Variants in PLCB2 observed in about 807,000 individuals in gnomAD.
PLCB2 encodes the protein phospholipase C beta 2, also known as 1-phosphatidylinositol 4,5-bisphosphate phosphodiesterase beta-2.
A neutral mutation model predicts 141.7 loss-of-function variants in PLCB2; 115 were observed. The observed-to-expected ratio is 0.81, with a 90% confidence interval of 0.70 to 0.95. The LOEUF (loss-of-function observed/expected upper bound fraction) is 0.95. Ranked by LOEUF, PLCB2 falls within the 40% of genes least tolerant of loss-of-function variation. PLCB2 has a pLI of 0.00. For synonymous variants in PLCB2, 603 were observed against 595.6 expected (o/e 1.01, Z -0.18); for missense variants, 1,403 against 1,541.1 (o/e 0.91, Z 1.50).
intron 21 of PLCB2, 56 bp downstream of exon 21, chr15:40,292,870 C>G (rs1222311397): frequency 8.4e-7 from 1 of 1,187,224 alleles, no homozygotes; most frequent in Non-Finnish European, 1.2e-6. Context: ...GCTGCCCCAC[C>G]CTGTGCACAG....
At chr15:40,285,929 T>C, downstream of PLCB2, 1 of 985,444 alleles carries the variant, frequency 1.0e-6, no homozygotes, top group Non-Finnish European at 1.2e-6. Context: ...TTGAGACAGT[T>C]CCAGGGAAGA....
rs1420504357 is a variant in PLCB2, at chr15:40,292,378, A to T, written c.2392T>A (p.Phe798Ile). The change falls in exon 22 of 32, where the codon TTC (phenylalanine) becomes ATC (isoleucine). Residue 798 changes from phenylalanine to isoleucine, a missense_variant. This residue lies in a region of PLCB2 where 975 missense variants were observed against 1,141.1 expected (regional missense o/e 0.85). Coordinates refer to ENST00000260402, the MANE Select transcript of PLCB2 (RefSeq NM_004573.3). Reference protein sequence around the residue: ...MPLTMPALFIFLEMKDYIPGA... With the variant: ...MPLTMPALFIILEMKDYIPGA... ...GGTATGTAGTCCTTCATCTCCAGGA[A>T]GATGAAGAGCGCAGGCATGGTGAGG... The T allele has an allele frequency of 6.2e-7, 1 of 1,613,856 alleles. No homozygotes were observed. The highest frequency in any genetic ancestry group is 2.2e-5 in the East Asian group (1 of 44,868).
chr15:40,288,513 C>A lies in PLCB2; in HGVS notation c.*202G>T. 1.5e-6 allele frequency: 2 copies of A among 1,308,626 alleles called. No individual in the cohort carries two copies. The highest frequency in any genetic ancestry group is 3.2e-5 in the Admixed American group (1 of 30,838). The allele number at this position is 1,308,626 out of a possible 1,614,324, so 81.1% of individuals were successfully genotyped here. A position where few individuals can be genotyped will look rare whatever the true frequency, so the allele number is the denominator to read the frequency against. On this transcript the variant is annotated 3_prime_UTR_variant, in exon 32 of 32. Transcript: ENST00000260402. Reference sequence around the variant, plus strand: ...AGTCAGCTTGAGAAGACTTCTAGGCCCCAGAGAGGCCCTGCCGTGAGGGTG... The same window carrying A: ...AGTCAGCTTGAGAAGACTTCTAGGCACCAGAGAGGCCCTGCCGTGAGGGTG...
intron 29 of PLCB2, among the ~76,000 whole-genome samples, chr15:40,290,293 C>T (rs1161092705): frequency 6.6e-6 from 1 of 152,170 alleles, no homozygotes; most frequent in Non-Finnish European, 1.5e-5. Context: ...ACACACTGTC[C>T]TTCCGTGGGA....
chr15:40,298,979 G>T lies in PLCB2; in HGVS notation c.684-15C>A. 3 of 1,599,200 alleles carry T rather than the reference G, an allele frequency of 1.9e-6. No homozygotes were observed. Among genetic ancestry groups the T allele is most frequent in the Non-Finnish European group, 2.6e-6 (3 of 1,176,018 alleles). Reference sequence around the variant, plus strand: ...CCTTAGCATGGCTTCAAGCCAGAGAGAAGAGCACAGGTCCATATCCCTTGG... The same window carrying T: ...CCTTAGCATGGCTTCAAGCCAGAGATAAGAGCACAGGTCCATATCCCTTGG... On this transcript the variant is annotated splice_polypyrimidine_tract_variant and intron_variant, in intron 8 of 31. Transcript: ENST00000260402.
At position 40,294,298 on chromosome 15, in the gene PLCB2, C is replaced by T. The variant is rs200355233; in HGVS notation, c.2029G>A (p.Asp677Asn). ...QFNPFSVDRIDVVVATTLSIT... is the reference protein window; with the variant it reads ...QFNPFSVDRINVVVATTLSIT... ...GAAAGGGTGGTGGCCACCACCACGTCGATGCGGTCCACTGAGAAGGGGTTG... is the reference window on the plus strand; with the variant it reads ...GAAAGGGTGGTGGCCACCACCACGTTGATGCGGTCCACTGAGAAGGGGTTG... Residue 677 changes from aspartate (D) to asparagine (N), a missense_variant, in exon 19 of 32, where the codon GAC becomes AAC. Asp to Asn is a conservative substitution (Grantham distance 23). Transcript: ENST00000260402. The T allele has an allele frequency of 9.8e-5, 158 of 1,614,018 alleles. No homozygotes were observed. The African/African-American group carries it at 1.8e-3, about 19-fold the overall frequency.
downstream of PLCB2, among the ~76,000 whole-genome samples, chr15:40,286,313 C>A (rs1300137867): frequency 6.6e-6 from 1 of 152,134 alleles, no homozygotes; most frequent in Non-Finnish European, 1.5e-5. Context: ...AGGGCTCCCT[C>A]CCCAAGATGC....
At chr15:40,303,480 C>T in intron 2 of PLCB2, 124 bp from the exon 3 acceptor site, 1 of 699,248 alleles carries the variant, frequency 1.4e-6, no homozygotes, top group Non-Finnish European at 2.5e-6. Flanking sequence ...CAACACCTCT[C>T]TCTAGATGCC....
At chr15:40,291,727 C>G in intron 24 of PLCB2, 77 bp from the exon 25 acceptor site, 3 of 1,603,348 alleles carry the variant, frequency 1.9e-6, no homozygotes, top group Non-Finnish European at 1.7e-6. Context: ...ACACCGCCCC[C>G]TGGGAGTCGC....
At chr15:40,293,950 C>T (rs1247163135) in intron 19 of PLCB2, among the ~76,000 whole-genome samples, 1 of 152,218 alleles carries the variant, frequency 6.6e-6, no homozygotes, top group African/African-American at 2.4e-5. Flanking sequence ...GGCCTCCCAC[C>T]TCCCTCCCTA....
At chr15:40,287,795 TG>T, downstream of PLCB2, 1 of 320,180 alleles carries the variant, frequency 3.1e-6, no homozygotes, top group Non-Finnish European at 4.5e-6. Context: ...GACCTCACCC[TG>T]GGTTCAGCTC....
downstream of PLCB2, chr15:40,284,432 T>C: frequency 2.2e-6 from 1 of 447,354 alleles, no homozygotes; most frequent in Non-Finnish European, 4.5e-6. Flanking sequence ...TTCTGCTAAA[T>C]ACGTACCAAC....
At chr15:40,302,758 C>G (rs1465985405) in intron 3 of PLCB2, 149 bp from the exon 4 acceptor site, 2 of 836,200 alleles carry the variant, frequency 2.4e-6, no homozygotes, top group Non-Finnish European at 3.7e-6. Context: ...TTAGCATCTT[C>G]CTGTCCCTGA....
intron 21 of PLCB2, 45 bp downstream of exon 21, chr15:40,292,881 G>A (rs1285098024): frequency 7.7e-7 from 1 of 1,297,636 alleles, no homozygotes; most frequent in East Asian, 2.4e-5. Context: ...CTGTGCACAG[G>A]CTCCTGCTGC....
chr15:40,287,148 AG>A (rs1473285226), downstream of PLCB2, among the ~76,000 whole-genome samples: 3 of 152,104 alleles, frequency 2.0e-5, no homozygotes, highest in African/African-American at 7.2e-5. Context: ...GGTCTGCCCC[AG>A]CGTATCCAGT....
chr15:40,298,852 G>C lies in PLCB2; in HGVS notation c.796C>G (p.Gln266Glu), dbSNP rs1214158047. ...TACTTGTCGATGAGGCCCTGCACCT[G>C]GTCAGGCCGTGCTGGCGGGAACAGC... ...SLLFPPARPD[Q>E]VQGLIDKYEP... The change falls in exon 9 of 32, where the codon CAG becomes GAG. Residue 266 changes from glutamine (Q) to glutamate (E), a missense_variant. Around this residue, in one of 4 missense-constraint regions of PLCB2, gnomAD observed 975 missense variants for 1,141.1 expected, o/e 0.85. Coordinates refer to ENST00000260402, the MANE Select transcript of PLCB2 (RefSeq NM_004573.3). 1 of 1,613,714 alleles carries C rather than the reference G, an allele frequency of 6.2e-7. No homozygotes were observed.
rs2039668306 is a variant in PLCB2 at position 40,288,458 on chromosome 15, A to T, written c.*257T>A. The T allele has an allele frequency of 8.0e-7, 1 of 1,245,426 alleles. No homozygotes were observed. Among genetic ancestry groups the T allele is most frequent in the Non-Finnish European group, 1.0e-6 (1 of 992,920 alleles). 77.1% of individuals were successfully genotyped at this position (1,245,426 alleles called of 1,614,324 possible). A position where few individuals can be genotyped will look rare whatever the true frequency, so the allele number is the denominator to read the frequency against. On this transcript the variant is annotated 3_prime_UTR_variant, in exon 32 of 32. Coordinates refer to ENST00000260402, the MANE Select transcript of PLCB2 (RefSeq NM_004573.3). ...CTTTTGCCCTCAACAAATATATGAC[A>T]CTTATCTAGAGATGGAGGGGGAGGT...
rs747486383 is a variant in PLCB2, at chr15:40,296,620, C to G, written c.1501G>C (p.Glu501Gln). ...AGEGTVWAGE[E>Q]GTELEEEEVE... ...TCCTCCTCCTCCAGCTCAGTCCCTT[C>G]CTCGCCAGCCCACACTGCCACATAC... Residue 501 changes from glutamate to glutamine, a missense_variant, in exon 15 of 32, where the codon GAA becomes CAA. This residue lies in a region of PLCB2 where 975 missense variants were observed against 1,141.1 expected (regional missense o/e 0.85). Coordinates refer to ENST00000260402, the MANE Select transcript of PLCB2 (RefSeq NM_004573.3). The G allele has an allele frequency of 6.2e-7, 1 of 1,613,314 alleles. No homozygotes were observed. Among genetic ancestry groups the G allele is most frequent in the Non-Finnish European group, 8.5e-7 (1 of 1,179,734 alleles).
chr15:40,293,616 G>A lies in PLCB2; in HGVS notation c.2170C>T (p.Pro724Ser). Residue 724 changes from proline (P) to serine (S), a missense_variant, in exon 20 of 32, where the codon CCC becomes TCC. This residue lies in a region of PLCB2 where 975 missense variants were observed against 1,141.1 expected (regional missense o/e 0.85). Coordinates refer to ENST00000260402, the MANE Select transcript of PLCB2 (RefSeq NM_004573.3). ...ACAGGATTGATGGAGTTAGTACTGG[G>A]TGACAGCTTAGTTCGATAGCGCCTC... ...PKRRYRTKLS[P>S]STNSINPVWK... 6.2e-7 allele frequency: 1 copy of A among 1,614,126 alleles called. No individual in the cohort carries two copies. Among genetic ancestry groups the A allele is most frequent in the Non-Finnish European group, 8.5e-7 (1 of 1,180,010 alleles).
Sources: allele counts gnomAD v4.1 joint callset (sites outside exome capture counted in the v4.1 genomes callset), GRCh38; gene constraint gnomAD v4.1.1; regional missense constraint gnomAD v4.1.1; transcripts MANE v1.5; gene names NCBI Gene and HGNC (gene_info 2026-07-23, HGNC 2026-07-21).